DGKB: variants seen among roughly 807,000 people sequenced by gnomAD.
DGKB encodes diacylglycerol kinase beta.
A neutral mutation model predicts 114.3 loss-of-function variants in DGKB; 67 were observed. The observed-to-expected ratio is 0.59, with a 90% CI of 0.48 to 0.72. The LOEUF (loss-of-function observed/expected upper bound fraction) is 0.72. DGKB is among the 30% of genes least tolerant of loss of function. DGKB has a pLI of 0.00. For synonymous variants in DGKB, 398 were observed against 323.1 expected, an observed-to-expected ratio of 1.23 and a Z score of -2.49; for missense variants, 907 against 975.2, an observed-to-expected ratio of 0.93 and a Z score of 0.93.
At chr7:14,708,685 G>A (rs1304607620) in intron 6 of DGKB, among the ~76,000 whole-genome samples, 2 of 151,568 alleles carry the variant, frequency 1.3e-5, no homozygotes, top group Non-Finnish European at 2.9e-5. Context: ...TCTGATCTTT[G>A]ACAAACCTGA....
At position 14,286,945 on chromosome 7, in the gene DGKB, T is replaced by C. The variant is rs74815933; in HGVS notation, c.2122+51570A>G. On this transcript the variant is annotated intron_variant, in intron 23 of 25. Coordinates refer to ENST00000402815, the MANE Select transcript of DGKB (RefSeq NM_001350709.2). ...TCGCCACTTACATTACCTTTCCTAT[T>C]GGTCACATCTTCCTATATAAGGTGA... Among the ~76,000 whole-genome samples the C allele has an allele frequency of 3.9e-3, 596 of 152,262 alleles. 4 individuals carry two copies. The highest frequency in any genetic ancestry group is 0.013 in the African/African-American group (556 of 41,556).
chr7:14,927,373 T>C (rs1164591539), intron 1 of DGKB, among the ~76,000 whole-genome samples: 1 of 152,046 alleles, frequency 6.6e-6, no homozygotes, highest in Admixed American at 6.6e-5. Flanking sequence ...TTTTGTTTGT[T>C]TGCTTTCTGA....
rs1294690288 is a variant in DGKB at position 14,852,661 on chromosome 7, T to A, written c.-187-11211A>T. On this transcript the variant is annotated intron_variant, in intron 1 of 25. Transcript: ENST00000402815. ...TGAGCCCAAACGAAGAGGAGAAAAA[T>A]GACTACGAATAAAGGATAACTCTTT... 8.6e-5 allele frequency among the ~76,000 whole-genome samples: 13 copies of A among 152,042 alleles called. No homozygotes were observed. In the East Asian group the frequency reaches 2.5e-3, roughly 29 times the overall value.
At chr7:14,262,857 G>A (rs952303475) in intron 23 of DGKB, among the ~76,000 whole-genome samples, 1 of 152,044 alleles carries the variant, frequency 6.6e-6, no homozygotes, top group Non-Finnish European at 1.5e-5. Context: ...CTGAACAAGG[G>A]TCATTGCCCA....
chr7:14,664,637 C>T (rs1817707965), intron 13 of DGKB, among the ~76,000 whole-genome samples: 1 of 152,018 alleles, frequency 6.6e-6, no homozygotes, highest in South Asian at 2.1e-4. Context: ...CATCACTTTA[C>T]ATTTTCCTTC....
At position 14,563,231 on chromosome 7, in the gene DGKB, T is replaced by C. The variant is rs117017542; in HGVS notation, c.1770+10981A>G. On this transcript the variant is annotated intron_variant, in intron 20 of 25. Transcript: ENST00000402815. ...AGTCCACTAAACCTATTTTTCTTTA[T>C]AAATTACGTAGTCTTGGGTCTGTCT... Among the ~76,000 whole-genome samples the C allele has an allele frequency of 2.1e-4, 32 of 152,342 alleles. No individual in the cohort carries two copies. In the East Asian group the frequency reaches 5.6e-3, roughly 27 times the overall value.
intron 1 of DGKB, among the ~76,000 whole-genome samples, chr7:14,949,832 C>T (rs1786082343): frequency 6.6e-6 from 1 of 151,926 alleles, no homozygotes; most frequent in Non-Finnish European, 1.5e-5. Context: ...AACCATCATT[C>T]TCAGCACACT....
At chr7:14,646,637 G>C (rs1379586232) in intron 13 of DGKB, among the ~76,000 whole-genome samples, 1 of 151,948 alleles carries the variant, frequency 6.6e-6, no homozygotes, top group Non-Finnish European at 1.5e-5. Flanking sequence ...ATTCTCTCAA[G>C]CATCTTCTCA....
chr7:14,888,920 T>C (rs1780738239), intron 1 of DGKB, among the ~76,000 whole-genome samples: 1 of 151,690 alleles, frequency 6.6e-6, no homozygotes. Context: ...TGAAAACTCT[T>C]AGCTGGACTT....
intron 1 of DGKB, among the ~76,000 whole-genome samples, chr7:14,863,689 A>G (rs912672822): frequency 6.6e-6 from 1 of 152,162 alleles, no homozygotes; most frequent in African/African-American, 2.4e-5. Flanking sequence ...ATCTACATGT[A>G]CATTATAGAA....
chr7:14,507,418 G>A lies in DGKB; in HGVS notation c.1771-29193C>T, dbSNP rs185438804. 5.1e-3 allele frequency among the ~76,000 whole-genome samples: 771 copies of A among 152,138 alleles called. 4 individuals carry two copies. Among genetic ancestry groups the A allele is most frequent in the Middle Eastern group, 0.017 (5 of 294 alleles). On this transcript the variant is annotated intron_variant, in intron 20 of 25. Transcript: ENST00000402815. The stretch of plus-strand genomic sequence containing the variant: ...TGCTCCAAAAATTCTTTAATGTGCC[G>A]TGTGAAAGTCTCAATGGTCTCTTAC...
intron 5 of DGKB, among the ~76,000 whole-genome samples, chr7:14,722,345 C>T (rs1381603018): frequency 1.3e-5 from 2 of 152,156 alleles, no homozygotes; most frequent in African/African-American, 4.8e-5. Context: ...TGAAATCATA[C>T]AGACTGGCTA....
At chr7:14,314,686 G>A (rs1297147317) in intron 23 of DGKB, among the ~76,000 whole-genome samples, 1 of 152,022 alleles carries the variant, frequency 6.6e-6, no homozygotes. Flanking sequence ...GGGGAGAATG[G>A]AACCAAGTTG....
intron 12 of DGKB, among the ~76,000 whole-genome samples, chr7:14,680,721 G>A (rs1313318605): frequency 1.3e-5 from 2 of 151,938 alleles, no homozygotes; most frequent in Admixed American, 1.3e-4. Context: ...ACTGGAAAGG[G>A]TAGAAGACAG....
intron 17 of DGKB, among the ~76,000 whole-genome samples, chr7:14,599,365 G>A (rs548001175): frequency 1.4e-4 from 22 of 152,208 alleles, no homozygotes; most frequent in South Asian, 8.3e-4. Flanking sequence ...TCTGACATCC[G>A]ACTGCCCTTC....
chr7:14,865,089 A>G lies in DGKB; in HGVS notation c.-187-23639T>C, dbSNP rs1441663383. On this transcript the variant is annotated intron_variant, in intron 1 of 25. Transcript: ENST00000402815. ...TAAAATTGTAAAGAATTGATGACCT[A>G]TTGGTGAACAAAATGTGATCAAGAT... Among the ~76,000 whole-genome samples the G allele has an allele frequency of 3.7e-4, 3 of 8,078 alleles. No individual in the cohort carries two copies. In the Non-Finnish European group the frequency reaches 7.1e-3, roughly 19 times the overall value. 5.3% of individuals were successfully genotyped at this position (8,078 alleles called of 152,430 possible). A position where few individuals can be genotyped will look rare whatever the true frequency, so the allele number is the denominator to read the frequency against.
chr7:14,319,045 C>A (rs1231107762), intron 23 of DGKB, among the ~76,000 whole-genome samples: 1 of 151,060 alleles, frequency 6.6e-6, no homozygotes, highest in East Asian at 2.0e-4. Flanking sequence ...GAACAAAAAA[C>A]CAAACACTGC....
chr7:14,773,047 G>A (rs572304738), intron 2 of DGKB, among the ~76,000 whole-genome samples: 1 of 152,060 alleles, frequency 6.6e-6, no homozygotes, highest in Non-Finnish European at 1.5e-5. Context: ...TCTATTCCTT[G>A]TGTTTTTAAC....
At position 14,234,747 on chromosome 7, in the gene DGKB, G is replaced by A. The variant is rs1438247649; in HGVS notation, c.2123-56596C>T. ...GTAAAATCTCATGGAACTTAGAAAA[G>A]GTGATGTAGGGGGAGTATTCTCCAT... On this transcript the variant is annotated intron_variant, in intron 23 of 25. Transcript: ENST00000402815. Among the ~76,000 whole-genome samples the A allele has an allele frequency of 2.6e-5, 4 of 152,114 alleles. No individual in the cohort carries two copies. In the East Asian group the frequency reaches 7.8e-4, roughly 30 times the overall value.
Sources: gnomAD v4.1 joint callset for allele counts (sites outside exome capture counted in the v4.1 genomes callset) on GRCh38, gnomAD v4.1.1 for gene constraint, MANE v1.5 for transcripts, NCBI Gene and HGNC (gene_info 2026-07-23, HGNC 2026-07-21) for gene names.